Variants in NAA16 observed in about 807,000 individuals in gnomAD.
The protein encoded by NAA16 is N-alpha-acetyltransferase 16, NatA auxiliary subunit, also known as NARG1-like protein.
In NAA16, 97 loss-of-function variants were observed where a neutral mutation model predicts 110.3. The observed-to-expected ratio is 0.88, with a 90% CI of 0.75 to 1.04. The LOEUF (loss-of-function observed/expected upper bound fraction) is 1.04. Among genes scored for constraint, NAA16 ranks in the 50% least tolerant of loss-of-function variants. The pLI is 0.00. For synonymous variants in NAA16, 372 were observed against 330.6 expected (o/e 1.13, Z -1.36); for missense variants, 1,017 against 1,005.1 (o/e 1.01, Z -0.16).
At chr13:41,361,913 T>G (rs897651223) in intron 12 of NAA16, 118 bp from the exon 13 acceptor site, 16 of 1,065,322 alleles carry the variant, frequency 1.5e-5, no homozygotes, top group Non-Finnish European at 2.2e-5. Flanking sequence ...CATACTGATA[T>G]ATTTGCTAAT....
chr13:41,327,505 C>T (rs1390902047), intron 6 of NAA16, among the ~76,000 whole-genome samples: 1 of 149,416 alleles, frequency 6.7e-6, no homozygotes, highest in African/African-American at 2.5e-5. Context: ...ATTATTTAAT[C>T]TTCAAAATAA....
In NAA16 at chr13:41,325,790, G is replaced by C. The variant is rs181799614; in HGVS notation, c.630G>C (p.Leu210Phe). ...AGGCAGATCTGTTGCAGGAATCTTT[G>C]GAACATATAGAAATGTATGAGAAAC... ...MREADLLQESLEHIEMYEKQI... is the reference protein window; with the variant it reads ...MREADLLQESFEHIEMYEKQI... Residue 210 changes from leucine to phenylalanine, a missense_variant, in exon 6 of 20, where the codon TTG (leucine) becomes TTC (phenylalanine). Physicochemically the swap from Leu to Phe is conservative, Grantham distance 22. Transcript: ENST00000379406. 14 of 1,609,426 alleles carry C rather than the reference G, an allele frequency of 8.7e-6. No individual in the cohort carries two copies. In the East Asian group the frequency reaches 1.8e-4, roughly 21 times the overall value.
At chr13:41,315,173 T>A (rs910786827) in intron 1 of NAA16, among the ~76,000 whole-genome samples, 1 of 152,046 alleles carries the variant, frequency 6.6e-6, no homozygotes, top group African/African-American at 2.4e-5. Context: ...GAGTATTTGA[T>A]AAAGTGGGCA....
intron 5 of NAA16, 76 bp downstream of exon 5, chr13:41,323,266 G>A: frequency 1.4e-6 from 2 of 1,407,598 alleles, no homozygotes; most frequent in South Asian, 1.2e-5. Context: ...TCTCAAATGT[G>A]AATTAAAGTA....
At chr13:41,320,981 G>A (rs933377738) in intron 4 of NAA16, among the ~76,000 whole-genome samples, 157 bp downstream of exon 4, 1 of 152,236 alleles carries the variant, frequency 6.6e-6, no homozygotes, top group African/African-American at 2.4e-5. Flanking sequence ...AGTCATAGTT[G>A]TGGCACTTTG....
In NAA16 at chr13:41,311,933, G is replaced by T. The variant is rs191145804; in HGVS notation, c.54+351G>T. Among the ~76,000 whole-genome samples the T allele has an allele frequency of 5.9e-4, 90 of 152,346 alleles. No individual in the cohort carries two copies. In the East Asian group the frequency reaches 9.1e-3, roughly 15 times the overall value. Reference sequence around the variant, plus strand: ...GCCGGGCTCGCAGCAGCCCCTCAGGGATCCTCCCCCGGTGGTTTATTTTGC... The same window carrying T: ...GCCGGGCTCGCAGCAGCCCCTCAGGTATCCTCCCCCGGTGGTTTATTTTGC... On this transcript the variant is annotated intron_variant, in intron 1 of 19. Transcript: ENST00000379406.
At chr13:41,327,919 A>G (rs1332069381) in intron 6 of NAA16, 8 of 152,064 alleles carry the variant, frequency 5.3e-5, no homozygotes, top group Admixed American at 5.2e-4. Context: ...AAAATAGTAC[A>G]TAAGACCTGC....
At chr13:41,353,600 T>TA (rs56050620) in intron 9 of NAA16, among the ~76,000 whole-genome samples, 7 of 146,410 alleles carry the variant, frequency 4.8e-5, no homozygotes, top group Non-Finnish European at 1.0e-4. Flanking sequence ...CTTTGTCTCT[T>TA]AAAAAAAAAA....
At chr13:41,374,700 A>G in intron 18 of NAA16, 42 bp from the exon 19 acceptor site, 1 of 1,259,328 alleles carries the variant, frequency 7.9e-7, no homozygotes, top group Non-Finnish European at 1.1e-6. Context: ...TAAAATGTAA[A>G]GTATAGGTGT....
At chr13:41,351,313 A>G (rs1301422906) in intron 9 of NAA16, among the ~76,000 whole-genome samples, 1 of 152,120 alleles carries the variant, frequency 6.6e-6, no homozygotes, top group Non-Finnish European at 1.5e-5. Context: ...TCATCTCTGT[A>G]GTTACTTTTA....
At chr13:41,369,685 G>A (rs573414493) in intron 15 of NAA16, among the ~76,000 whole-genome samples, 1 of 152,330 alleles carries the variant, frequency 6.6e-6, no homozygotes, top group Admixed American at 6.5e-5. Context: ...GATGCCAGCA[G>A]CAGAGGTCAG....
intron 18 of NAA16, 119 bp downstream of exon 18, chr13:41,373,899 A>G: frequency 7.2e-7 from 1 of 1,379,426 alleles, no homozygotes; most frequent in Non-Finnish European, 9.4e-7. Context: ...GGGGAGAGAA[A>G]TGTGGACAAA....
intron 3 of NAA16, 133 bp downstream of exon 3, chr13:41,319,043 A>G: frequency 2.3e-6 from 1 of 438,986 alleles, no homozygotes; most frequent in South Asian, 7.0e-5. Context: ...CCATTACTCA[A>G]CTATAATCAT....
At chr13:41,340,274 A>G (rs1486197591) in intron 9 of NAA16, among the ~76,000 whole-genome samples, 1 of 152,158 alleles carries the variant, frequency 6.6e-6, no homozygotes, top group Non-Finnish European at 1.5e-5. Context: ...CTTTTCAAAA[A>G]ACCAGCTCTT....
intron 1 of NAA16, among the ~76,000 whole-genome samples, chr13:41,311,975 A>G (rs1430801150): frequency 6.6e-6 from 1 of 152,218 alleles, no homozygotes; most frequent in East Asian, 1.9e-4. Flanking sequence ...CTCCTCGGCT[A>G]GGTGTTTTGC....
intron 6 of NAA16, chr13:41,328,193 G>C (rs1426856772): frequency 6.6e-6 from 1 of 152,200 alleles, no homozygotes; most frequent in Non-Finnish European, 1.5e-5. Context: ...CCAACCCGCT[G>C]AGCTGACCTG....
At chr13:41,316,787 G>T in intron 1 of NAA16, 59 bp from the exon 2 acceptor site, 1 of 1,094,064 alleles carries the variant, frequency 9.1e-7, no homozygotes. Flanking sequence ...GATGCTGTGA[G>T]AAGTTGCTCC....
intron 1 of NAA16, among the ~76,000 whole-genome samples, chr13:41,314,521 G>C (rs1303157803): frequency 7.1e-6 from 1 of 141,320 alleles, no homozygotes; most frequent in East Asian, 2.0e-4. Flanking sequence ...CTGTCAAGAG[G>C]CCTCAATATA....
intron 18 of NAA16, chr13:41,374,498 G>A (rs1438278564): frequency 6.9e-6 from 2 of 289,778 alleles, no homozygotes. Flanking sequence ...TGTGAAGGAA[G>A]AAGCTCTGAT....
Sources: gnomAD v4.1 joint callset for allele counts (sites outside exome capture counted in the v4.1 genomes callset) on GRCh38, gnomAD v4.1.1 for gene constraint, MANE v1.5 for transcripts, NCBI Gene and HGNC (gene_info 2026-07-23, HGNC 2026-07-21) for gene names.